The following TYK2 variants were observed in gnomAD, a reference collection of about 807,000 sequenced individuals.
TYK2 encodes tyrosine kinase 2.
A neutral mutation model predicts 130.9 loss-of-function variants in TYK2; 65 were observed. The ratio of observed to expected loss-of-function variants is 0.50; its 90% CI spans 0.41 to 0.61. TYK2 has a LOEUF of 0.61. Among genes scored for constraint, TYK2 ranks in the 20% least tolerant of loss-of-function variants. TYK2 has a pLI of 0.00. For missense variants in TYK2, 1,378 were observed against 1,610.7 expected, an observed-to-expected ratio of 0.86 and a Z score of 2.47; for synonymous variants, 647 against 658.9, an observed-to-expected ratio of 0.98 and a Z score of 0.28.
At position 10,352,937 on chromosome 19, in the gene TYK2, G is replaced by A; in HGVS notation, c.3189C>T (p.Ser1063=). 1.9e-6 allele frequency: 3 copies of A among 1,607,280 alleles called. No individual in the cohort carries two copies. Among genetic ancestry groups the A allele is most frequent in the South Asian group, 2.2e-5 (2 of 90,732 alleles). Residue 1063 remains serine, a synonymous_variant, in exon 22 of 25, where the codon AGC becomes AGT. Coordinates refer to ENST00000525621, the MANE Select transcript of TYK2 (RefSeq NM_003331.5). ...CCCCGCCTGGTCACCAGAACACGGGGCTGTCCCCATCCTCGCGCACGCGGT... is the reference window on the plus strand; with the variant it reads ...CCCCGCCTGGTCACCAGAACACGGGACTGTCCCCATCCTCGCGCACGCGGT... The part of the protein sequence containing the change: ...EYYRVREDGD[S]PVFWYAPECL...
intron 3 of TYK2, among the ~76,000 whole-genome samples, chr19:10,371,957 T>C (rs2041922009): frequency 6.6e-6 from 1 of 151,426 alleles, no homozygotes; most frequent in Non-Finnish European, 1.5e-5. Flanking sequence ...TGTCCAGGAG[T>C]GGAACTATAT....
chr19:10,353,566 G>T lies in TYK2; in HGVS notation c.2989C>A (p.Leu997Met). 6.7e-7 allele frequency: 1 copy of T among 1,498,006 alleles called. No homozygotes were observed. Among genetic ancestry groups the T allele is most frequent in the South Asian group, 1.4e-5 (1 of 73,410 alleles). The allele number at this position is 1,498,006 out of a possible 1,614,324, so 92.8% of individuals were successfully genotyped here. A position where few individuals can be genotyped will look rare whatever the true frequency, so the allele number is the denominator to read the frequency against. Reference sequence around the variant, plus strand: ...TGGGCGAAGAGCAGCAGCTGGGCCAGCCCGATGCTGTGCCGGGGCAGGTAG... The same window carrying T: ...TGGGCGAAGAGCAGCAGCTGGGCCATCCCGATGCTGTGCCGGGGCAGGTAG... ...RDYLPRHSIG[L>M]AQLLLFAQQI... The change falls in exon 21 of 25, where the codon CTG becomes ATG. Residue 997 changes from leucine (L) to methionine (M), a missense_variant. Leu to Met is a conservative substitution (Grantham distance 15). Transcript: ENST00000525621. This position sits in a 1 kb window ranked among gnomAD's most constrained non-coding sequence, Gnocchi z 6.9.
intron 10 of TYK2, 42 bp from the exon 11 acceptor site, chr19:10,362,498 C>T (rs759376878): frequency 1.3e-6 from 2 of 1,565,124 alleles, no homozygotes; most frequent in African/African-American, 2.7e-5. Flanking sequence ...AGCAGGGGAC[C>T]AGGCAGGGAA....
At position 10,364,700 on chromosome 19, in the gene TYK2, C is replaced by T. The variant is rs72561498; in HGVS notation, c.1281G>A (p.Thr427=). ...GGCACAGGTAGTGGCTGGAGTCGGC[C>T]GTCAGGCGGAAATAGCCGTCCACCA... is the stretch of plus-strand genomic sequence containing the variant. ...VSLVDGYFRL[T]ADSSHYLCHE... The change falls in exon 9 of 25, where the codon ACG becomes ACA. Residue 427 remains threonine, a synonymous_variant. Transcript: ENST00000525621. The surrounding 1 kb of genome is among the most constrained non-coding windows in gnomAD (Gnocchi z 4.9). 4.6e-5 allele frequency: 74 copies of T among 1,613,684 alleles called. 1 individual carries two copies. In the African/African-American group the frequency reaches 6.5e-4, roughly 14 times the overall value.
In TYK2 at chr19:10,354,042, C is replaced by T; in HGVS notation, c.2908G>A (p.Gly970Ser). Residue 970 changes from glycine to serine, a missense_variant and splice_region_variant, in exon 20 of 25, where the codon GGC becomes AGC. Gly to Ser is a moderately conservative substitution (Grantham distance 56, BLOSUM62 0). Transcript: ENST00000525621. The part of the protein sequence containing the change: ...IKYKGCCEDQ[G>S]EKSLQLVMEY... ...CTAGGACTCGCCGGGTCCCGCCCACCTTGGTCCTCGCAGCAGCCCTTGTAC... is the reference window on the plus strand; with the variant it reads ...CTAGGACTCGCCGGGTCCCGCCCACTTTGGTCCTCGCAGCAGCCCTTGTAC... 1 of 1,614,080 alleles carries T rather than the reference C, an allele frequency of 6.2e-7. No homozygotes were observed. Among genetic ancestry groups the T allele is most frequent in the South Asian group, 1.1e-5 (1 of 91,080 alleles).
chr19:10,358,294 G>GTTTTTTTTTTTTTTTTTTTTTTTTTT (rs770531180), intron 15 of TYK2, among the ~76,000 whole-genome samples, 156 bp from the exon 16 acceptor site: 1 of 91,442 alleles, frequency 1.1e-5, no homozygotes, highest in African/African-American at 4.4e-5. Context: ...TTTTTTTCTT[G>GTTTTTTTTTTTTTTTTTTTTTTTTTT]TTTTTTTTTT....
In TYK2 at chr19:10,364,277, G is replaced by A. The variant is rs1365750951; in HGVS notation, c.1367+337C>T. Among the ~76,000 whole-genome samples the A allele has an allele frequency of 6.6e-6, 1 of 152,146 alleles. No individual in the cohort carries two copies. The highest frequency in any genetic ancestry group is 1.5e-5 in the Non-Finnish European group (1 of 68,034). ...TGTAATACCAGCACTTTGGGAGGCC[G>A]AGGCGGGTGGATCACCTGAGGTCAG... On this transcript the variant is annotated intron_variant, in intron 9 of 24. Coordinates refer to ENST00000525621, the MANE Select transcript of TYK2 (RefSeq NM_003331.5). This position sits in a 1 kb window ranked among gnomAD's most constrained non-coding sequence, Gnocchi z 4.9.
At chr19:10,373,137 A>G (rs2041987549) in intron 3 of TYK2, among the ~76,000 whole-genome samples, 1 of 149,176 alleles carries the variant, frequency 6.7e-6, no homozygotes, top group Non-Finnish European at 1.5e-5. Context: ...CCTGGGTTCA[A>G]GCGATTCTCC....
chr19:10,354,281 ACCACTCCC>A, intron 19 of TYK2, 47 bp from the exon 20 acceptor site: 1 of 1,597,516 alleles, frequency 6.3e-7, no homozygotes, highest in Non-Finnish European at 8.5e-7. Flanking sequence ...CAATCCCTGC[ACCACTCCC>A]CAACCCCCGA....
At position 10,364,321 on chromosome 19, in the gene TYK2, G is replaced by C. The variant is rs2041546973; in HGVS notation, c.1367+293C>G. The stretch of plus-strand genomic sequence containing the variant: ...AGGTCAGGAGTTCAAGACTAGGTTG[G>C]CCAATCTGATGAAACCCCATCTCTA... On this transcript the variant is annotated intron_variant, in intron 9 of 24. Transcript: ENST00000525621. This position sits in a 1 kb window ranked among gnomAD's most constrained non-coding sequence, Gnocchi z 4.9. 6.6e-6 allele frequency among the ~76,000 whole-genome samples: 1 copy of C among 152,062 alleles called. No individual in the cohort carries two copies. Among genetic ancestry groups the C allele is most frequent in the Non-Finnish European group, 1.5e-5 (1 of 68,002 alleles).
At chr19:10,374,826 T>C (rs1401839598) in intron 3 of TYK2, among the ~76,000 whole-genome samples, 2 of 150,484 alleles carry the variant, frequency 1.3e-5, no homozygotes, top group Non-Finnish European at 3.0e-5. Context: ...GAGGTTGCAG[T>C]GAGCCAAGAT....
At chr19:10,366,047 A>C in intron 6 of TYK2, 149 bp from the exon 7 acceptor site, 1 of 922,668 alleles carries the variant, frequency 1.1e-6, no homozygotes, top group Non-Finnish European at 1.6e-6. Flanking sequence ...TTGAGCCTGT[A>C]GTCTCAGCTA....
chr19:10,356,805 G>T (rs1319928900), intron 17 of TYK2, 87 bp from the exon 18 acceptor site: 11 of 1,422,970 alleles, frequency 7.7e-6, no homozygotes, highest in Non-Finnish European at 9.6e-6. Flanking sequence ...CCCCAGAGTG[G>T]ACCGCCAGGT....
chr19:10,362,665 G>A lies in TYK2; in HGVS notation c.1368-8C>T, dbSNP rs373368603. The A allele has an allele frequency of 4.5e-6, 7 of 1,550,692 alleles. No homozygotes were observed. The African/African-American group carries it at 6.8e-5, about 15-fold the overall frequency. On this transcript the variant is annotated splice_region_variant and splice_polypyrimidine_tract_variant and intron_variant, in intron 9 of 24. Transcript: ENST00000525621. ...GCCTGCACAAATGGCTCCCTGGAAGGTGGTCCAGGGGGACTATCAGGCCAC... is the reference window on the plus strand; with the variant it reads ...GCCTGCACAAATGGCTCCCTGGAAGATGGTCCAGGGGGACTATCAGGCCAC...
chr19:10,357,041 G>C, intron 17 of TYK2: 1 of 442,476 alleles, frequency 2.3e-6, no homozygotes. Flanking sequence ...CATGCACTCT[G>C]CCTAGGCTGC....
intron 17 of TYK2, chr19:10,357,005 A>T: frequency 2.0e-6 from 1 of 501,526 alleles, no homozygotes. Context: ...TCCTTAATAC[A>T]CTGAAGCCTC....
chr19:10,350,916 G>T lies in TYK2; in HGVS notation c.3482C>A (p.Thr1161Asn), dbSNP rs2040767979. The change falls in exon 25 of 25, where the codon ACC becomes AAC. Residue 1161 changes from threonine (T) to asparagine (N), a missense_variant. By Grantham distance (65) the Thr-to-Asn change is moderately conservative. Transcript: ENST00000525621. ...CAGAATGGGTATGAGGTTCTCGAAG[G>T]TTGGGCGAAAGGACGCCTCTGTCTC... ...CWETEASFRPTFENLIPILKT... is the reference protein window; with the variant it reads ...CWETEASFRPNFENLIPILKT... 6.2e-7 allele frequency: 1 copy of T among 1,614,214 alleles called. No individual in the cohort carries two copies. The highest frequency in any genetic ancestry group is 2.2e-5 in the East Asian group (1 of 44,890).
chr19:10,362,903 G>A (rs937122624), intron 9 of TYK2, among the ~76,000 whole-genome samples: 5 of 152,062 alleles, frequency 3.3e-5, no homozygotes, highest in African/African-American at 4.8e-5. Flanking sequence ...ATTTTCCCTC[G>A]TCACCCAGGC....
At chr19:10,355,019 G>A (rs1400509423) in intron 18 of TYK2, among the ~76,000 whole-genome samples, 3 of 147,652 alleles carry the variant, frequency 2.0e-5, no homozygotes, top group Non-Finnish European at 4.5e-5. Flanking sequence ...GCCACAGAGA[G>A]ACACTGTCTT....
Sources: gnomAD v4.1 joint callset for allele counts (sites outside exome capture counted in the v4.1 genomes callset) on GRCh38, gnomAD v4.1.1 for gene constraint, Gnocchi (gnomAD v3.1) non-coding constraint, MANE v1.5 for transcripts, NCBI Gene and HGNC (gene_info 2026-07-23, HGNC 2026-07-21) for gene names.